Variants in ZNF383 observed in about 807,000 individuals in gnomAD.
ZNF383 encodes the protein zinc finger protein 383.
In ZNF383, 32 loss-of-function variants were observed where a neutral mutation model predicts 44.2. The observed-to-expected ratio is 0.72, with a 90% CI of 0.55 to 0.97. The LOEUF is 0.97. ZNF383 is among the 50% of genes least tolerant of loss of function. The probability of loss-of-function intolerance (pLI) is 0.00; values close to 1 mark genes in which losing one functional copy is unlikely to be tolerated. For missense variants in ZNF383, 487 were observed against 562.5 expected, an observed-to-expected ratio of 0.87 and a Z score of 1.36; for synonymous variants, 155 against 186.2, an observed-to-expected ratio of 0.83 and a Z score of 1.36.
At chr19:37,226,558 G>A (rs1973178781) in intron 2 of ZNF383, 1 of 152,150 alleles carries the variant, frequency 6.6e-6, no homozygotes, top group Non-Finnish European at 1.5e-5. Flanking sequence ...TTTCCAGAAT[G>A]TTGTAATCAT....
intron 5 of ZNF383, among the ~76,000 whole-genome samples, chr19:37,237,191 G>C (rs1385148780): frequency 7.9e-5 from 12 of 152,070 alleles, no homozygotes; most frequent in African/African-American, 2.9e-4. Flanking sequence ...TCCAAAAGTG[G>C]TGCTAAAATA....
At chr19:37,222,189 C>T (rs1455116177) in intron 1 of ZNF383, among the ~76,000 whole-genome samples, 1 of 150,970 alleles carries the variant, frequency 6.6e-6, no homozygotes, top group East Asian at 1.9e-4. Flanking sequence ...CTGTCAGTTT[C>T]ACTTGGAGAT....
At chr19:37,240,902 G>A (rs1300720550) in intron 5 of ZNF383, among the ~76,000 whole-genome samples, 1 of 152,156 alleles carries the variant, frequency 6.6e-6, no homozygotes, top group African/African-American at 2.4e-5. Context: ...TGCCTCCTGG[G>A]TTCAAGCAGT....
intron 5 of ZNF383, among the ~76,000 whole-genome samples, chr19:37,240,016 G>A (rs570659865): frequency 1.3e-5 from 2 of 152,084 alleles, no homozygotes; most frequent in Middle Eastern, 3.4e-3. Flanking sequence ...AAAATTAGCC[G>A]GGCGTGGTGG....
In ZNF383 at chr19:37,243,556, T is replaced by C. The variant is rs61741230; in HGVS notation, c.1320T>C (p.His440=). 30 of 1,614,002 alleles carry C rather than the reference T, an allele frequency of 1.9e-5. No homozygotes were observed. The African/African-American group carries it at 3.9e-4, about 21-fold the overall frequency. ...ATAAATGCTCAAACCTTACTCGACA[T>C]CTGAGAATTCACACTGGTGAAAAGC... is the stretch of plus-strand genomic sequence containing the variant. ...AFNKCSNLTR[H]LRIHTGEKPY... The change falls in exon 6 of 6, where the codon CAT becomes CAC. Residue 440 remains histidine (H), a synonymous_variant. Coordinates refer to ENST00000684119, the MANE Select transcript of ZNF383 (RefSeq NM_001387601.1).
In ZNF383 at chr19:37,243,442, C is replaced by T. The variant is rs1307935633; in HGVS notation, c.1206C>T (p.Ala402=). ...KPFECLECGK[A]FTQNSQLFQH... Reference sequence around the variant, plus strand: ...TTGAATGTCTTGAATGTGGGAAGGCCTTTACTCAGAACTCACAACTTTTCC... The same window carrying T: ...TTGAATGTCTTGAATGTGGGAAGGCTTTTACTCAGAACTCACAACTTTTCC... Residue 402 remains alanine (A), a synonymous_variant, in exon 6 of 6, where the codon GCC becomes GCT. Coordinates refer to ENST00000684119, the MANE Select transcript of ZNF383 (RefSeq NM_001387601.1). 4 of 1,613,902 alleles carry T rather than the reference C, an allele frequency of 2.5e-6. No individual in the cohort carries two copies. The highest frequency in any genetic ancestry group is 2.5e-6 in the Non-Finnish European group (3 of 1,179,934).
At chr19:37,234,115 C>T (rs950616237) in intron 3 of ZNF383, among the ~76,000 whole-genome samples, 4 of 152,118 alleles carry the variant, frequency 2.6e-5, no homozygotes, top group Admixed American at 1.3e-4. Context: ...CCACCCACCT[C>T]GGCCTCCCAA....
chr19:37,227,183 C>T (rs1218774048), intron 2 of ZNF383, among the ~76,000 whole-genome samples: 9 of 142,188 alleles, frequency 6.3e-5, no homozygotes, highest in African/African-American at 5.3e-5. Context: ...GGCGCAATCT[C>T]GGCTCACCGC....
rs531117412 is a variant in ZNF383 at position 37,247,145 on chromosome 19, G to A, written c.*3481G>A. On this transcript the variant is annotated 3_prime_UTR_variant, in exon 6 of 6. Transcript: ENST00000684119. ...ATAACCTAATATTTGTGCATATATT[G>A]TAATACTAGGAAGAAAAAATATAGA... 2 of 152,206 alleles carry A rather than the reference G, an allele frequency of 1.3e-5. No individual in the cohort carries two copies. Among genetic ancestry groups the A allele is most frequent in the South Asian group, 2.1e-4 (1 of 4,824 alleles). The allele number at this position is 152,206 out of a possible 1,614,324, so 9.4% of individuals were successfully genotyped here.
chr19:37,222,619 C>T (rs1051038818), intron 1 of ZNF383, among the ~76,000 whole-genome samples: 2 of 152,182 alleles, frequency 1.3e-5, no homozygotes, highest in Non-Finnish European at 2.9e-5. Flanking sequence ...CTCAGGTGAT[C>T]CGCCCGCCTC....
chr19:37,226,142 T>G (rs1020360853), intron 2 of ZNF383, among the ~76,000 whole-genome samples: 1 of 152,164 alleles, frequency 6.6e-6, no homozygotes, highest in African/African-American at 2.4e-5. Flanking sequence ...GGTTCAAACA[T>G]GTAGCATGTG....
chr19:37,236,954 A>AACAC (rs35036376), intron 5 of ZNF383, among the ~76,000 whole-genome samples: 7,753 of 146,738 alleles, frequency 0.053, 242 homozygotes, highest in East Asian at 0.09. Context: ...CACACATGTG[A>AACAC]ACACACACAC....
At chr19:37,220,160 A>T (rs955626221) in intron 1 of ZNF383, among the ~76,000 whole-genome samples, 1 of 152,238 alleles carries the variant, frequency 6.6e-6, no homozygotes, top group Non-Finnish European at 1.5e-5. Context: ...GAATCTTATG[A>T]CATTTACCAT....
chr19:37,224,443 T>C (rs1443620229), intron 1 of ZNF383, among the ~76,000 whole-genome samples: 1 of 152,208 alleles, frequency 6.6e-6, no homozygotes, highest in Non-Finnish European at 1.5e-5. Flanking sequence ...TAGTGTTTGG[T>C]ACCTGGGACT....
rs1465826153 is a variant in ZNF383, at chr19:37,230,389, A to G, written c.-45-20A>G. 1.3e-6 allele frequency: 2 copies of G among 1,589,670 alleles called. No individual in the cohort carries two copies. Among genetic ancestry groups the G allele is most frequent in the African/African-American group, 1.3e-5 (1 of 74,468 alleles). On this transcript the variant is annotated intron_variant, in intron 2 of 5. Transcript: ENST00000684119. Reference sequence around the variant, plus strand: ...TTTACTTCCCCAGTCATGCAACCTCAGAACACTGTCCTTTTTCAGGAGAAC... The same window carrying G: ...TTTACTTCCCCAGTCATGCAACCTCGGAACACTGTCCTTTTTCAGGAGAAC...
At position 37,248,039 on chromosome 19, in the gene ZNF383, G is replaced by A. The variant is rs752036155; in HGVS notation, c.*4375G>A. ...TAATCCCGGCTACTCAGGAGGCTGA[G>A]GCAGGAGAAAGGCTTGAACCCGGGA... is the stretch of plus-strand genomic sequence containing the variant. On this transcript the variant is annotated 3_prime_UTR_variant, in exon 6 of 6. Coordinates refer to ENST00000684119, the MANE Select transcript of ZNF383 (RefSeq NM_001387601.1). 1 of 152,258 alleles carries A rather than the reference G, an allele frequency of 6.6e-6. No homozygotes were observed. Among genetic ancestry groups the A allele is most frequent in the African/African-American group, 2.4e-5 (1 of 41,466 alleles). 9.4% of individuals were successfully genotyped at this position (152,258 alleles called of 1,614,324 possible).
intron 3 of ZNF383, 43 bp from the exon 4 acceptor site, chr19:37,235,506 A>T (rs1348383518): frequency 2.5e-6 from 4 of 1,610,108 alleles, no homozygotes; most frequent in Non-Finnish European, 3.4e-6. Context: ...TCTCTGATAC[A>T]TTTTTTTAAT....
At chr19:37,226,720 A>G (rs889062415) in intron 2 of ZNF383, 15 of 152,170 alleles carry the variant, frequency 9.9e-5, no homozygotes, top group Admixed American at 9.8e-4. Context: ...TTGTAAGTTC[A>G]TTTATTGGAC....
intron 1 of ZNF383, among the ~76,000 whole-genome samples, chr19:37,218,557 G>A (rs1972779255): frequency 6.6e-6 from 1 of 152,154 alleles, no homozygotes; most frequent in African/African-American, 2.4e-5. Flanking sequence ...ATTGTGTGTG[G>A]CTGTGTAACT....
Sources: allele counts gnomAD v4.1 joint callset (sites outside exome capture counted in the v4.1 genomes callset), GRCh38; gene constraint gnomAD v4.1.1; transcripts MANE v1.5; gene names NCBI Gene and HGNC (gene_info 2026-07-23, HGNC 2026-07-21).